The following CSMD3 variants were observed in gnomAD, a reference collection of about 807,000 sequenced individuals.
The protein encoded by CSMD3 is CUB and sushi domain-containing protein 3.
Under a neutral mutation model 435.2 loss-of-function variants are expected in CSMD3, and 177 were observed. That is an observed-to-expected ratio of 0.41 (90% CI 0.36 to 0.46). The LOEUF is 0.46. Ranked by LOEUF, CSMD3 falls within the 20% of genes least tolerant of loss-of-function variation. CSMD3 has a pLI of 0.34. For synonymous variants in CSMD3, 1,656 were observed against 1,520.5 expected (o/e 1.09, Z -2.07); for missense variants, 4,265 against 4,504.6 (o/e 0.95, Z 1.52).
At chr8:112,898,255 G>T (rs778280356) in intron 10 of CSMD3, among the ~76,000 whole-genome samples, 5 of 151,088 alleles carry the variant, frequency 3.3e-5, no homozygotes, top group African/African-American at 4.8e-5. Context: ...TTCAAAGAAT[G>T]TCCTTCTTAT....
chr8:112,379,066 T>C (rs999992957), intron 38 of CSMD3, among the ~76,000 whole-genome samples: 6 of 152,090 alleles, frequency 3.9e-5, no homozygotes, highest in Non-Finnish European at 7.4e-5. Flanking sequence ...AAAAATAAAC[T>C]ATCCTAAAAG....
chr8:112,451,128 A>T (rs1446097653), intron 32 of CSMD3, among the ~76,000 whole-genome samples: 4 of 152,202 alleles, frequency 2.6e-5, no homozygotes, highest in African/African-American at 7.2e-5. Flanking sequence ...AAATACAGGT[A>T]GCTACAAATT....
intron 59 of CSMD3, among the ~76,000 whole-genome samples, chr8:112,266,799 C>A (rs1313438690): frequency 6.6e-6 from 1 of 152,156 alleles, no homozygotes; most frequent in Non-Finnish European, 1.5e-5. Context: ...CAAGTGATAA[C>A]TGTTTTGAGG....
intron 5 of CSMD3, among the ~76,000 whole-genome samples, chr8:113,094,290 T>C (rs1040267423): frequency 6.6e-5 from 10 of 152,292 alleles, no homozygotes; most frequent in African/African-American, 2.4e-4. Flanking sequence ...ATTCAGCCTC[T>C]GGCATAGAGC....
At chr8:113,333,131 A>T (rs184376739) in intron 1 of CSMD3, among the ~76,000 whole-genome samples, 143 of 151,794 alleles carry the variant, frequency 9.4e-4, no homozygotes, top group Middle Eastern at 6.8e-3. Context: ...TGGATCATTA[A>T]ATTTTTTAAC....
chr8:112,298,895 C>T (rs2130738002), intron 53 of CSMD3, among the ~76,000 whole-genome samples: 1 of 152,152 alleles, frequency 6.6e-6, no homozygotes, highest in South Asian at 2.1e-4. Context: ...TGCGTATGTC[C>T]ACAAAAAGAC....
chr8:112,937,013 TA>T (rs982766719), intron 9 of CSMD3, among the ~76,000 whole-genome samples: 3 of 152,236 alleles, frequency 2.0e-5, no homozygotes, highest in African/African-American at 7.2e-5. Flanking sequence ...ACCATGAAGG[TA>T]AAGTAGACAA....
chr8:112,992,263 T>C (rs1257733420), intron 6 of CSMD3, among the ~76,000 whole-genome samples: 1 of 151,784 alleles, frequency 6.6e-6, no homozygotes, highest in East Asian at 1.9e-4. Context: ...CTATCTTTTT[T>C]TCTTTCCTTC....
At chr8:112,304,169 T>C (rs1234070707) in intron 52 of CSMD3, among the ~76,000 whole-genome samples, 1 of 152,186 alleles carries the variant, frequency 6.6e-6, no homozygotes, top group Non-Finnish European at 1.5e-5. Context: ...TGTCATACCA[T>C]TAAATGTTTG....
At chr8:112,411,122 CTTTTTTT>C (rs144741058) in intron 32 of CSMD3, among the ~76,000 whole-genome samples, 4 of 136,498 alleles carry the variant, frequency 2.9e-5, no homozygotes, top group African/African-American at 1.1e-4. Context: ...AAAAATTCAT[CTTTTTTT>C]TTTTTTTTTT....
At chr8:112,580,911 C>G (rs1830293693) in intron 23 of CSMD3, among the ~76,000 whole-genome samples, 1 of 152,132 alleles carries the variant, frequency 6.6e-6, no homozygotes, top group East Asian at 1.9e-4. Context: ...TGAGTTTATC[C>G]TGAATTGACC....
At chr8:112,253,921 CAT>C (rs1188987462) in intron 63 of CSMD3, among the ~76,000 whole-genome samples, 1 of 151,960 alleles carries the variant, frequency 6.6e-6, no homozygotes, top group African/African-American at 2.4e-5. Context: ...TCACTGTCCC[CAT>C]ATCTTCCTGT....
chr8:113,160,024 T>C (rs1378117835), intron 4 of CSMD3, among the ~76,000 whole-genome samples: 3 of 151,978 alleles, frequency 2.0e-5, no homozygotes, highest in African/African-American at 7.2e-5. Context: ...TAAAAACTCA[T>C]ATGTGAAAGA....
chr8:113,278,519 C>T (rs1305722858), intron 3 of CSMD3, 73 bp downstream of exon 3: 1 of 754,434 alleles, frequency 1.3e-6, no homozygotes, highest in Non-Finnish European at 2.4e-6. Flanking sequence ...AATGTTGATT[C>T]TTCTTTCCTA....
At chr8:112,321,676 C>T (rs1159965215) in intron 45 of CSMD3, among the ~76,000 whole-genome samples, 4 of 152,066 alleles carry the variant, frequency 2.6e-5, no homozygotes, top group Non-Finnish European at 4.4e-5. Flanking sequence ...CCAAAAAAAT[C>T]GTGTTTTAAT....
At chr8:112,560,130 C>G (rs774816570) in intron 24 of CSMD3, among the ~76,000 whole-genome samples, 2 of 151,704 alleles carry the variant, frequency 1.3e-5, no homozygotes, top group African/African-American at 2.4e-5. Flanking sequence ...TCACAACATA[C>G]ATAAAGTCAC....
chr8:112,991,131 T>C (rs566513464), intron 6 of CSMD3, among the ~76,000 whole-genome samples: 4 of 151,756 alleles, frequency 2.6e-5, no homozygotes, highest in Non-Finnish European at 5.9e-5. Flanking sequence ...TACTTAATCA[T>C]TTTTCATTTA....
In CSMD3 at chr8:112,406,586, A is replaced by C. The variant is rs1409542647; in HGVS notation, c.5747T>G (p.Ile1916Ser). The C allele has an allele frequency of 6.2e-7, 1 of 1,612,844 alleles. No individual in the cohort carries two copies. The highest frequency in any genetic ancestry group is 8.5e-7 in the Non-Finnish European group (1 of 1,179,082). ...PGYILHGSIAIRCETVPNSLA... is the reference protein window; with the variant it reads ...PGYILHGSIASRCETVPNSLA... ...AGAATTGGGCACTGTTTCACACCTA[A>C]TTGCTATGGATCCATGGAGAATATA... The change falls in exon 35 of 71, where the codon ATT becomes AGT. Residue 1916 changes from isoleucine to serine, a missense_variant. By Grantham distance (142) the Ile-to-Ser change is moderately radical (BLOSUM62 -2). This residue lies in a region of CSMD3 where 3,255 missense variants were observed against 3,380.2 expected (regional missense o/e 0.96). Transcript: ENST00000297405.
chr8:113,001,515 A>G (rs1259797924), intron 6 of CSMD3, among the ~76,000 whole-genome samples: 1 of 152,022 alleles, frequency 6.6e-6, no homozygotes, highest in Non-Finnish European at 1.5e-5. Context: ...CCACTTCATT[A>G]TGATAATATG....
Sources: allele counts gnomAD v4.1 joint callset (sites outside exome capture counted in the v4.1 genomes callset), GRCh38; gene constraint gnomAD v4.1.1; regional missense constraint gnomAD v4.1.1; transcripts MANE v1.5; gene names NCBI Gene and HGNC (gene_info 2026-07-23, HGNC 2026-07-21).